Variants in GPAT3 observed in about 807,000 individuals in gnomAD.
GPAT3 encodes the protein glycerol-3-phosphate acyltransferase 3.
Under a neutral mutation model 58.8 loss-of-function variants are expected in GPAT3, and 53 were observed. The ratio of observed to expected loss-of-function variants is 0.90; its 90% CI spans 0.72 to 1.13. The LOEUF (loss-of-function observed/expected upper bound fraction) is 1.13, where lower values mean the gene tolerates loss of function less well. Ranked by LOEUF, GPAT3 falls within the 50% of genes most tolerant of loss-of-function variation. The pLI, the probability that GPAT3 is intolerant of heterozygous loss-of-function variation, is 0.00. For missense variants in GPAT3, 511 were observed against 527.6 expected (o/e 0.97, Z 0.31); for synonymous variants, 197 against 187.4 (o/e 1.05, Z -0.42).
intron 1 of GPAT3, among the ~76,000 whole-genome samples, chr4:83,542,497 T>C (rs1214574573): frequency 3.3e-5 from 5 of 152,240 alleles, no homozygotes; most frequent in Non-Finnish European, 7.3e-5. Context: ...GCAAATGGCA[T>C]GTTCTTGTTT....
intron 2 of GPAT3, among the ~76,000 whole-genome samples, chr4:83,572,661 T>C (rs1406070988): frequency 6.6e-6 from 1 of 152,230 alleles, no homozygotes; most frequent in Admixed American, 6.5e-5. Context: ...TCATATCCTT[T>C]TACATACTTC....
At chr4:83,558,582 A>G (rs1399550691) in intron 2 of GPAT3, among the ~76,000 whole-genome samples, 1 of 152,106 alleles carries the variant, frequency 6.6e-6, no homozygotes, top group Non-Finnish European at 1.5e-5. Context: ...CCATGTGGAG[A>G]TGGATTGGGA....
intron 1 of GPAT3, among the ~76,000 whole-genome samples, chr4:83,539,098 A>G (rs570378340): frequency 6.6e-6 from 1 of 152,312 alleles, no homozygotes; most frequent in South Asian, 2.1e-4. Flanking sequence ...CTATCCTTCA[A>G]CTAGAACAGT....
chr4:83,584,668 G>C (rs1052260663), intron 3 of GPAT3, among the ~76,000 whole-genome samples: 3 of 152,126 alleles, frequency 2.0e-5, no homozygotes, highest in African/African-American at 7.2e-5. Flanking sequence ...TCCATGCCTG[G>C]CTAATTTTTG....
chr4:83,562,222 TA>T (rs1560611171), intron 2 of GPAT3, among the ~76,000 whole-genome samples: 385 of 69,498 alleles, frequency 5.5e-3, no homozygotes, highest in Non-Finnish European at 8.9e-3. Flanking sequence ...TATATATATA[TA>T]TAATATATAT....
intron 2 of GPAT3, among the ~76,000 whole-genome samples, chr4:83,544,886 G>A (rs1724448898): frequency 6.6e-6 from 1 of 151,210 alleles, no homozygotes; most frequent in African/African-American, 2.4e-5. Context: ...TGTAGTCGAT[G>A]GCCAAAAGAA....
chr4:83,602,598 A>C (rs1039239100), intron 11 of GPAT3, among the ~76,000 whole-genome samples: 2 of 116,038 alleles, frequency 1.7e-5, no homozygotes, highest in African/African-American at 5.9e-5. Context: ...GAATTGGATA[A>C]AATTTTGAAG....
At chr4:83,583,164 A>G (rs1726223786) in intron 3 of GPAT3, among the ~76,000 whole-genome samples, 1 of 151,770 alleles carries the variant, frequency 6.6e-6, no homozygotes, top group African/African-American at 2.4e-5. Context: ...GGCGTGGTGG[A>G]GCACACCTAG....
At chr4:83,597,042 C>T (rs2110109130) in intron 8 of GPAT3, 129 bp downstream of exon 8, 2 of 745,336 alleles carry the variant, frequency 2.7e-6, no homozygotes, top group Non-Finnish European at 4.5e-6. Context: ...TGGGATGGCA[C>T]TCTCTGAGTT....
At chr4:83,602,633 TTTAAGTGC>T (rs1727102167) in intron 11 of GPAT3, among the ~76,000 whole-genome samples, 1 of 152,164 alleles carries the variant, frequency 6.6e-6, no homozygotes, top group Admixed American at 6.6e-5. Flanking sequence ...CAAATCACAG[TTTAAGTGC>T]TTAGAGCAGC....
At chr4:83,598,551 C>G in intron 10 of GPAT3, 93 bp from the exon 11 acceptor site, 1 of 1,074,444 alleles carries the variant, frequency 9.3e-7, no homozygotes, top group Non-Finnish European at 1.4e-6. Context: ...AAATATGAAT[C>G]TTATATTTTA....
intron 10 of GPAT3, 77 bp downstream of exon 10, chr4:83,598,256 C>A (rs1684354617): frequency 6.4e-7 from 1 of 1,551,506 alleles, no homozygotes; most frequent in Non-Finnish European, 8.7e-7. Context: ...TGTCTCCCTT[C>A]TCCATGTCAT....
At position 83,536,452 on chromosome 4, in the gene GPAT3, G is replaced by A; in HGVS notation, c.-171G>A. ...GAGGAGGAGCCCAGGGAGGAAGGAA[G>A]GATATTGCCGTAATTCTGAAAGTTT... is the stretch of plus-strand genomic sequence containing the variant. On this transcript the variant is annotated 5_prime_UTR_variant, in exon 1 of 12. Coordinates refer to ENST00000264409, the MANE Select transcript of GPAT3 (RefSeq NM_032717.5). The A allele has an allele frequency of 7.0e-7, 1 of 1,425,950 alleles. No homozygotes were observed. Among genetic ancestry groups the A allele is most frequent in the East Asian group, 2.5e-5 (1 of 39,610 alleles). The allele number at this position is 1,425,950 out of a possible 1,614,324, so 88.3% of individuals were successfully genotyped here.
chr4:83,564,692 C>G (rs888693068), intron 2 of GPAT3, among the ~76,000 whole-genome samples: 3 of 151,156 alleles, frequency 2.0e-5, no homozygotes, highest in African/African-American at 7.4e-5. Context: ...GAGCAAGACT[C>G]TGTCACAAAA....
In GPAT3 at chr4:83,605,754, A is replaced by G. The variant is rs1342082221; in HGVS notation, c.*987A>G. The G allele has an allele frequency of 6.6e-6, 1 of 152,618 alleles. No homozygotes were observed. Among genetic ancestry groups the G allele is most frequent in the Non-Finnish European group, 1.5e-5 (1 of 68,040 alleles). 9.5% of individuals were successfully genotyped at this position (152,618 alleles called of 1,614,324 possible). On this transcript the variant is annotated 3_prime_UTR_variant, in exon 12 of 12. Transcript: ENST00000264409. ...AAGTTTTCCCCAACTCACACAGCAT[A>G]AGCAATGTTTGACAGCAATATAATG...
chr4:83,602,026 A>T (rs1486853681), intron 11 of GPAT3, among the ~76,000 whole-genome samples: 1 of 152,234 alleles, frequency 6.6e-6, no homozygotes, highest in Non-Finnish European at 1.5e-5. Context: ...ACATTGGAAT[A>T]TGTTAAACTA....
rs184993471 is a variant in GPAT3, at chr4:83,579,051, T to C, written c.209-2511T>C. On this transcript the variant is annotated intron_variant, in intron 2 of 11. Coordinates refer to ENST00000264409, the MANE Select transcript of GPAT3 (RefSeq NM_032717.5). ...CTTTCTTTCTTTCTTTCTTTCTTTC[T>C]TTCTTTCTTTCTTTCTTTCTTTCTT... 3.2e-3 allele frequency among the ~76,000 whole-genome samples: 108 copies of C among 34,016 alleles called. 7 individuals are homozygous for C. The highest frequency in any genetic ancestry group is 9.4e-3 in the African/African-American group (78 of 8,332). The allele number at this position is 34,016 out of a possible 152,430, so 22.3% of individuals were successfully genotyped here.
chr4:83,562,265 G>A (rs960232377), intron 2 of GPAT3, among the ~76,000 whole-genome samples: 2 of 133,746 alleles, frequency 1.5e-5, no homozygotes, highest in African/African-American at 2.9e-5. Flanking sequence ...TAGTTTGGCT[G>A]CAGCTAGAAT....
chr4:83,542,382 C>A (rs974732597), intron 1 of GPAT3, among the ~76,000 whole-genome samples: 22 of 152,262 alleles, frequency 1.4e-4, no homozygotes, highest in African/African-American at 5.3e-4. Flanking sequence ...ACTAAATCCG[C>A]AAAAGATAAC....
Sources: gnomAD v4.1 joint callset for allele counts (sites outside exome capture counted in the v4.1 genomes callset) on GRCh38, gnomAD v4.1.1 for gene constraint, MANE v1.5 for transcripts, NCBI Gene and HGNC (gene_info 2026-07-23, HGNC 2026-07-21) for gene names.